STARD13: variants seen among roughly 807,000 people sequenced by gnomAD.
The protein encoded by STARD13 is stAR-related lipid transfer protein 13.
A neutral mutation model predicts 106.4 loss-of-function variants in STARD13; 62 were observed. That is an observed-to-expected ratio of 0.58 (90% CI 0.48 to 0.72). The LOEUF is 0.72. Among genes scored for constraint, STARD13 ranks in the 30% least tolerant of loss-of-function variants. STARD13 has a pLI of 0.00. For synonymous variants in STARD13, 565 were observed against 553.0 expected (o/e 1.02, Z -0.31); for missense variants, 1,387 against 1,424.0 (o/e 0.97, Z 0.42).
At chr13:33,233,447 C>A (rs1179689838) in intron 1 of STARD13, among the ~76,000 whole-genome samples, 2 of 152,222 alleles carry the variant, frequency 1.3e-5, no homozygotes, top group African/African-American at 4.8e-5. Context: ...GGGAGAGGGA[C>A]AACCTGACTT....
chr13:33,131,901 A>T (rs1418846413), intron 4 of STARD13, among the ~76,000 whole-genome samples: 1 of 152,218 alleles, frequency 6.6e-6, no homozygotes, highest in African/African-American at 2.4e-5. Flanking sequence ...TGCATTCAGC[A>T]GTCCCTCACT....
chr13:33,349,757 G>A (rs1165938882), intron 1 of STARD13, among the ~76,000 whole-genome samples: 1 of 152,170 alleles, frequency 6.6e-6, no homozygotes, highest in East Asian at 1.9e-4. Flanking sequence ...ACCAACTACC[G>A]TCCACCTGTC....
intron 1 of STARD13, among the ~76,000 whole-genome samples, chr13:33,187,111 T>C (rs1041988291): frequency 2.0e-5 from 3 of 152,202 alleles, no homozygotes; most frequent in Admixed American, 6.5e-5. Context: ...CCCCAAGGAA[T>C]CATTGAGTCA....
At chr13:33,632,044 G>A in the STARD13 span, among the ~76,000 whole-genome samples, 1 of 152,138 alleles carries the variant, frequency 6.6e-6, no homozygotes, top group East Asian at 1.9e-4. Flanking sequence ...CCATTTAATG[G>A]AATCATTACT....
At chr13:33,622,718 G>C in the STARD13 span, among the ~76,000 whole-genome samples, 32 of 149,052 alleles carry the variant, frequency 2.1e-4, no homozygotes, top group Middle Eastern at 3.6e-3. Context: ...TCAGGAGATC[G>C]AGACCATCCT....
upstream of STARD13, chr13:33,285,900 G>T (rs1892039915): frequency 1.8e-6 from 1 of 565,510 alleles, no homozygotes; most frequent in Admixed American, 4.2e-5. Context: ...AGTTCCAGCC[G>T]CCAGGGTCCC....
intron 4 of STARD13, among the ~76,000 whole-genome samples, chr13:33,132,052 C>A (rs917897659): frequency 6.6e-6 from 1 of 152,200 alleles, no homozygotes; most frequent in African/African-American, 2.4e-5. Flanking sequence ...CACAGTTAAT[C>A]ATTGTGGGGA....
the STARD13 span, among the ~76,000 whole-genome samples, chr13:33,637,767 G>T: frequency 2.6e-5 from 4 of 152,030 alleles, no homozygotes; most frequent in Non-Finnish European, 5.9e-5. Context: ...TTTATCCTAT[G>T]GAAAGAAATT....
chr13:33,616,868 C>T, the STARD13 span, among the ~76,000 whole-genome samples: 1 of 152,118 alleles, frequency 6.6e-6, no homozygotes, highest in Non-Finnish European at 1.5e-5. Flanking sequence ...GGAGAAAGGA[C>T]AGGTCGGGAA....
chr13:33,485,239 T>C, the STARD13 span, among the ~76,000 whole-genome samples: 1 of 152,236 alleles, frequency 6.6e-6, no homozygotes, highest in African/African-American at 2.4e-5. Flanking sequence ...TACTGTCTAG[T>C]TCTTCTGAAA....
chr13:33,608,135 G>C, the STARD13 span, among the ~76,000 whole-genome samples: 1 of 152,084 alleles, frequency 6.6e-6, no homozygotes, highest in Non-Finnish European at 1.5e-5. Flanking sequence ...TGGAACTCCA[G>C]GCCTCAAGTT....
chr13:33,174,147 T>A (rs182521404), intron 1 of STARD13, among the ~76,000 whole-genome samples: 3 of 152,306 alleles, frequency 2.0e-5, no homozygotes, highest in Admixed American at 2.0e-4. Flanking sequence ...ACTCAAGGGT[T>A]ATTTTTAATC....
the STARD13 span, among the ~76,000 whole-genome samples, chr13:33,358,550 A>C: frequency 1.3e-5 from 2 of 152,026 alleles, no homozygotes; most frequent in East Asian, 3.9e-4. Flanking sequence ...ACCAATCGAC[A>C]CTCTGTATCT....
chr13:33,336,898 G>A (rs1233513044), intron 1 of STARD13, among the ~76,000 whole-genome samples: 1 of 152,064 alleles, frequency 6.6e-6, no homozygotes, highest in African/African-American at 2.4e-5. Flanking sequence ...TCAGGTTGGT[G>A]AAAAAGTAAT....
At chr13:33,255,773 G>A (rs1890331425) in intron 1 of STARD13, among the ~76,000 whole-genome samples, 1 of 152,146 alleles carries the variant, frequency 6.6e-6, no homozygotes, top group Non-Finnish European at 1.5e-5. Flanking sequence ...TCATGGCAAA[G>A]GCACAAACCC....
intron 1 of STARD13, among the ~76,000 whole-genome samples, chr13:33,173,880 C>T (rs1418653500): frequency 6.6e-6 from 1 of 152,198 alleles, no homozygotes. Flanking sequence ...ATCACGCTTA[C>T]CTGTACTCAG....
chr13:33,199,495 C>T (rs951169797), intron 1 of STARD13, among the ~76,000 whole-genome samples: 4 of 151,964 alleles, frequency 2.6e-5, no homozygotes, highest in Non-Finnish European at 4.4e-5. Flanking sequence ...TCAGCAAAAC[C>T]GAAAAGAAAC....
At chr13:33,465,266 C>T in the STARD13 span, among the ~76,000 whole-genome samples, 8 of 141,070 alleles carry the variant, frequency 5.7e-5, no homozygotes, top group Admixed American at 3.6e-4. Flanking sequence ...AGTGCAGTGG[C>T]GCGATCTCGG....
At chr13:33,452,754 A>T in the STARD13 span, among the ~76,000 whole-genome samples, 25 of 152,210 alleles carry the variant, frequency 1.6e-4, no homozygotes, top group Non-Finnish European at 3.2e-4. Flanking sequence ...ACCATCTCTC[A>T]TCCATAACAT....
Sources: gnomAD v4.1 joint callset for allele counts (sites outside exome capture counted in the v4.1 genomes callset) on GRCh38, gnomAD v4.1.1 for gene constraint, MANE v1.5 for transcripts, NCBI Gene and HGNC (gene_info 2026-07-23, HGNC 2026-07-21) for gene names.